The following QKI variants were observed in gnomAD, a reference collection of about 807,000 sequenced individuals.
QKI encodes the protein KH domain-containing RNA-binding protein QKI.
Under a neutral mutation model 39.0 loss-of-function variants are expected in QKI, and 10 were observed. That is an observed-to-expected ratio of 0.26 (90% CI 0.16 to 0.43). QKI has a LOEUF of 0.43. Among genes scored for constraint, QKI ranks in the 20% least tolerant of loss-of-function variants. QKI has a pLI of 1.00. For missense variants in QKI, 218 were observed against 428.0 expected, an observed-to-expected ratio of 0.51 and a Z score of 4.33; for synonymous variants, 204 against 155.4, an observed-to-expected ratio of 1.31 and a Z score of -2.33.
At chr6:163,459,724 G>T (rs1176028348) in intron 2 of QKI, among the ~76,000 whole-genome samples, 1 of 152,080 alleles carries the variant, frequency 6.6e-6, no homozygotes, top group African/African-American at 2.4e-5. Flanking sequence ...GGCACTCTGT[G>T]GTTTTTGTGA....
intron 3 of QKI, among the ~76,000 whole-genome samples, chr6:163,498,559 C>T (rs1778552130): frequency 6.6e-6 from 1 of 151,856 alleles, no homozygotes; most frequent in Non-Finnish European, 1.5e-5. Flanking sequence ...CCTTCACTTT[C>T]AGGCCCCTCC....
At chr6:163,566,155 T>A in intron 6 of QKI, 1 of 1,393,550 alleles carries the variant, frequency 7.2e-7, no homozygotes, top group Non-Finnish European at 9.3e-7. Context: ...TACACAGTAA[T>A]GGTAATTTAT....
chr6:163,541,237 A>G (rs1781489454), intron 4 of QKI, among the ~76,000 whole-genome samples: 1 of 151,982 alleles, frequency 6.6e-6, no homozygotes, highest in African/African-American at 2.4e-5. Flanking sequence ...GCCGTGTTTT[A>G]TTTCCAAATG....
intron 5 of QKI, 42 bp from the exon 6 acceptor site, chr6:163,563,378 G>T: frequency 3.4e-6 from 5 of 1,486,748 alleles, no homozygotes; most frequent in African/African-American, 1.4e-5. Context: ...ATTTTATACT[G>T]CTGTCTCTAT....
At chr6:163,560,622 A>T (rs931687721) in intron 4 of QKI, among the ~76,000 whole-genome samples, 8 of 152,216 alleles carry the variant, frequency 5.3e-5, no homozygotes, top group African/African-American at 1.9e-4. Flanking sequence ...TTAAGATGTT[A>T]CTTACATACG....
At chr6:163,565,734 CA>C in intron 6 of QKI, 3 of 1,235,786 alleles carry the variant, frequency 2.4e-6, no homozygotes, top group Non-Finnish European at 3.1e-6. Flanking sequence ...TTGGAGAACT[CA>C]GAAAATTATT....
At chr6:163,495,954 C>T (rs531062527) in intron 3 of QKI, among the ~76,000 whole-genome samples, 34 of 152,138 alleles carry the variant, frequency 2.2e-4, no homozygotes, top group Non-Finnish European at 3.5e-4. Context: ...CCTTTTAAAT[C>T]ATATCTGAGG....
chr6:163,526,413 A>G (rs759976681), intron 3 of QKI, among the ~76,000 whole-genome samples: 1 of 152,226 alleles, frequency 6.6e-6, no homozygotes, highest in Non-Finnish European at 1.5e-5. Flanking sequence ...CACCTAATGT[A>G]CAAAATCTCA....
At chr6:163,432,150 T>A (rs955697250) in intron 1 of QKI, among the ~76,000 whole-genome samples, 1 of 152,310 alleles carries the variant, frequency 6.6e-6, no homozygotes, top group Admixed American at 6.5e-5. Flanking sequence ...AATTCTGTTT[T>A]GTTGCTGGAA....
At chr6:163,447,898 T>C (rs1413145938) in intron 1 of QKI, among the ~76,000 whole-genome samples, 2 of 152,288 alleles carry the variant, frequency 1.3e-5, no homozygotes, top group East Asian at 3.9e-4. Context: ...ATTTATATAA[T>C]AACATGAAAG....
chr6:163,423,082 G>C (rs1249568257), intron 1 of QKI: 1 of 152,252 alleles, frequency 6.6e-6, no homozygotes, highest in Admixed American at 6.5e-5. Context: ...TGGATCACGA[G>C]GTCAAGATTT....
At chr6:163,549,901 G>A (rs1230234618) in intron 4 of QKI, among the ~76,000 whole-genome samples, 1 of 152,082 alleles carries the variant, frequency 6.6e-6, no homozygotes, top group East Asian at 1.9e-4. Context: ...GCATCTGTTT[G>A]TATTTGTTGA....
At chr6:163,527,232 C>G (rs956285346) in intron 3 of QKI, among the ~76,000 whole-genome samples, 4 of 152,112 alleles carry the variant, frequency 2.6e-5, no homozygotes, top group African/African-American at 9.7e-5. Context: ...GCTTTTATAA[C>G]TGAGTCAGTG....
At chr6:163,507,191 G>GT (rs1429922047) in intron 3 of QKI, among the ~76,000 whole-genome samples, 1 of 152,130 alleles carries the variant, frequency 6.6e-6, no homozygotes, top group Non-Finnish European at 1.5e-5. Flanking sequence ...AGATAATACT[G>GT]TAACTAGAAC....
chr6:163,533,693 G>A (rs1053296314), intron 3 of QKI, among the ~76,000 whole-genome samples: 4 of 152,072 alleles, frequency 2.6e-5, no homozygotes, highest in Admixed American at 2.0e-4. Flanking sequence ...ACACAGTGTC[G>A]GACAGATGGT....
rs1320190000 is a variant in QKI at position 163,567,348 on chromosome 6, A to G, written c.1009+553A>G. 1.5e-5 allele frequency: 15 copies of G among 985,366 alleles called. No homozygotes were observed. In the South Asian group the frequency reaches 4.2e-4, roughly 28 times the overall value. 61.0% of individuals were successfully genotyped at this position (985,366 alleles called of 1,614,324 possible). A position where few individuals can be genotyped will look rare whatever the true frequency, so the allele number is the denominator to read the frequency against. On this transcript the variant is annotated intron_variant, in intron 7 of 7. Coordinates refer to ENST00000361752, the MANE Select transcript of QKI (RefSeq NM_006775.3). The stretch of plus-strand genomic sequence containing the variant: ...AATCAACAAAGTGAGGACTGTGAAG[A>G]TAACTTTCATGTAGTTGGATTTTTT...
chr6:163,537,988 A>AT (rs896542305), intron 4 of QKI, among the ~76,000 whole-genome samples: 9 of 152,072 alleles, frequency 5.9e-5, no homozygotes, highest in African/African-American at 2.2e-4. Context: ...TTCAGGTTTC[A>AT]TTTTTTTACT....
chr6:163,496,658 C>T (rs1307537354), intron 3 of QKI, among the ~76,000 whole-genome samples: 1 of 152,184 alleles, frequency 6.6e-6, no homozygotes, highest in Non-Finnish European at 1.5e-5. Context: ...GCTTGCTCCT[C>T]CCTAGAGTTT....
At chr6:163,440,978 A>G (rs745963561) in intron 1 of QKI, among the ~76,000 whole-genome samples, 2 of 151,926 alleles carry the variant, frequency 1.3e-5, no homozygotes, top group African/African-American at 2.4e-5. Context: ...TTCTGAATAT[A>G]TTTTTACTAA....
Sources: gnomAD v4.1 joint callset for allele counts (sites outside exome capture counted in the v4.1 genomes callset) on GRCh38, gnomAD v4.1.1 for gene constraint, MANE v1.5 for transcripts, NCBI Gene and HGNC (gene_info 2026-07-23, HGNC 2026-07-21) for gene names.